LRRC37A2: variants seen among roughly 807,000 people sequenced by gnomAD.
LRRC37A2 encodes leucine-rich repeat-containing protein 37A2.
In LRRC37A2, 9 loss-of-function variants were observed where a neutral mutation model predicts 68.8. The ratio of observed to expected loss-of-function variants is 0.13; its 90% CI spans 0.08 to 0.23. The LOEUF (loss-of-function observed/expected upper bound fraction) is 0.23. Ranked by LOEUF, LRRC37A2 falls within the 10% of genes least tolerant of loss-of-function variation. The probability of loss-of-function intolerance (pLI) is 1.00; values close to 1 mark genes in which losing one functional copy is unlikely to be tolerated. For missense variants in LRRC37A2, 168 were observed against 950.4 expected (o/e 0.18, Z 10.82); for synonymous variants, 63 against 367.6 (o/e 0.17, Z 9.48).
At chr17:46,840,959 A>T in the LRRC37A2 span, among the ~76,000 whole-genome samples, 2 of 152,190 alleles carry the variant, frequency 1.3e-5, no homozygotes, top group Non-Finnish European at 2.9e-5. Flanking sequence ...TGGAGGCAGA[A>T]AGCAGCCGGT....
At chr17:46,966,406 T>C in the LRRC37A2 span, 1 of 566,802 alleles carries the variant, frequency 1.8e-6, no homozygotes, top group Non-Finnish European at 3.1e-6. Context: ...TACCTGGTCC[T>C]TGTGACTTAT....
intron 11 of LRRC37A2, among the ~76,000 whole-genome samples, chr17:46,553,058 G>A (rs2056949639): frequency 7.0e-6 from 1 of 143,770 alleles, no homozygotes; most frequent in Non-Finnish European, 1.5e-5. Context: ...CTGCACTCCA[G>A]CGTAAGCAAC....
chr17:46,952,754 C>G, the LRRC37A2 span: 1 of 152,162 alleles, frequency 6.6e-6, no homozygotes, highest in Non-Finnish European at 1.5e-5. Flanking sequence ...TCAGTTAAGT[C>G]CCTGGATTGA....
chr17:46,496,959 T>TTTTATA, the LRRC37A2 span, among the ~76,000 whole-genome samples: 3 of 144,402 alleles, frequency 2.1e-5, no homozygotes, highest in African/African-American at 7.9e-5. Context: ...AAAATTAGTG[T>TTTTATA]TTTATATTAG....
the LRRC37A2 span, chr17:46,728,825 T>A: frequency 1.4e-6 from 2 of 1,461,866 alleles, no homozygotes; most frequent in South Asian, 2.4e-5. Context: ...GTGTATCAAA[T>A]CCCTAAACAT....
chr17:46,598,942 T>TTA, the LRRC37A2 span, among the ~76,000 whole-genome samples: 5 of 138,526 alleles, frequency 3.6e-5, no homozygotes, highest in Non-Finnish European at 7.7e-5. Context: ...GTTTTGTGTA[T>TTA]CGCTTTAGTG....
the LRRC37A2 span, among the ~76,000 whole-genome samples, chr17:47,000,767 G>A: frequency 6.6e-6 from 1 of 152,142 alleles, no homozygotes; most frequent in Admixed American, 6.5e-5. Context: ...GCCTTCCAAA[G>A]TCACCTTGAG....
At chr17:46,894,951 G>A in the LRRC37A2 span, among the ~76,000 whole-genome samples, 1 of 152,216 alleles carries the variant, frequency 6.6e-6, no homozygotes, top group African/African-American at 2.4e-5. Context: ...CCCGGGCAGG[G>A]GCCTGTGCTC....
the LRRC37A2 span, among the ~76,000 whole-genome samples, chr17:46,737,266 G>A: frequency 1.3e-5 from 2 of 152,146 alleles, no homozygotes; most frequent in African/African-American, 4.8e-5. Flanking sequence ...GCCCACCAAG[G>A]AGTCCACCCT....
At chr17:46,824,047 C>T in the LRRC37A2 span, among the ~76,000 whole-genome samples, 1 of 152,148 alleles carries the variant, frequency 6.6e-6, no homozygotes, top group Non-Finnish European at 1.5e-5. Flanking sequence ...AGTCCCCCTT[C>T]AGGCGCCCAG....
the LRRC37A2 span, among the ~76,000 whole-genome samples, chr17:46,834,843 C>T: frequency 3.9e-5 from 6 of 152,196 alleles, no homozygotes; most frequent in Admixed American, 3.9e-4. Flanking sequence ...GTTTCTCTAG[C>T]TTGTTCAGGG....
the LRRC37A2 span, chr17:46,941,577 T>C: frequency 3.9e-6 from 1 of 255,028 alleles, no homozygotes; most frequent in Non-Finnish European, 6.2e-6. Context: ...GGTGATTTTA[T>C]TTTATTTTTT....
the LRRC37A2 span, among the ~76,000 whole-genome samples, chr17:46,851,189 C>G: frequency 6.6e-6 from 1 of 152,178 alleles, no homozygotes; most frequent in Non-Finnish European, 1.5e-5. This position sits in a 1 kb window ranked among gnomAD's most constrained non-coding sequence, Gnocchi z 4.3. Flanking sequence ...CCAGATGCGT[C>G]CCTCCTCCTA....
the LRRC37A2 span, among the ~76,000 whole-genome samples, chr17:46,813,491 G>A: frequency 6.6e-6 from 1 of 150,818 alleles, no homozygotes; most frequent in African/African-American, 2.4e-5. Flanking sequence ...GGTGGGGCTA[G>A]GCATACCTCC....
the LRRC37A2 span, among the ~76,000 whole-genome samples, chr17:47,001,082 G>A: frequency 1.3e-5 from 2 of 152,188 alleles, no homozygotes; most frequent in Non-Finnish European, 2.9e-5. Context: ...GTTGCAGTGA[G>A]CCGAGATGGT....
At chr17:46,784,631 C>T in the LRRC37A2 span, among the ~76,000 whole-genome samples, 1 of 152,284 alleles carries the variant, frequency 6.6e-6, no homozygotes, top group Admixed American at 6.5e-5. Context: ...CAGCCCCTGC[C>T]CAGCCAACAC....
At chr17:47,025,598 C>A in the LRRC37A2 span, among the ~76,000 whole-genome samples, 1 of 151,134 alleles carries the variant, frequency 6.6e-6, no homozygotes, top group Non-Finnish European at 1.5e-5. Context: ...ATAACGATCG[C>A]CCCAGCCCTG....
chr17:46,932,245 T>C, the LRRC37A2 span: 2 of 1,611,026 alleles, frequency 1.2e-6, no homozygotes, highest in Non-Finnish European at 1.7e-6. Context: ...TGACAGATCG[T>C]GGGGGCTGGA....
the LRRC37A2 span, among the ~76,000 whole-genome samples, chr17:47,009,258 G>A: frequency 1.3e-5 from 2 of 152,186 alleles, no homozygotes; most frequent in Non-Finnish European, 2.9e-5. Context: ...GTCAGGGGCT[G>A]AGGCTAGAAT....
Sources: gnomAD v4.1 joint callset for allele counts (sites outside exome capture counted in the v4.1 genomes callset) on GRCh38, gnomAD v4.1.1 for gene constraint, Gnocchi (gnomAD v3.1) non-coding constraint, MANE v1.5 for transcripts, NCBI Gene and HGNC (gene_info 2026-07-23, HGNC 2026-07-21) for gene names.